The following PSMA1 variants were observed in gnomAD, a reference collection of about 807,000 sequenced individuals.
PSMA1 encodes the protein proteasome subunit alpha type-1.
A neutral mutation model predicts 38.4 loss-of-function variants in PSMA1; 3 were observed. That is an observed-to-expected ratio of 0.08 (90% CI 0.04 to 0.20). The LOEUF (loss-of-function observed/expected upper bound fraction) is 0.20, where lower values mean the gene tolerates loss of function less well. PSMA1 is among the 10% of genes least tolerant of loss of function. The pLI is 1.00. For synonymous variants in PSMA1, 101 were observed against 107.1 expected (o/e 0.94, Z 0.35); for missense variants, 227 against 325.3 (o/e 0.70, Z 2.32).
At chr11:14,520,726 GTGT>G (rs1336124436), upstream of PSMA1, 1 of 215,932 alleles carries the variant, frequency 4.6e-6, no homozygotes, top group African/African-American at 2.3e-5. Flanking sequence ...CAGATTTGGG[GTGT>G]TATGTGACTG....
At chr11:14,635,216 T>C (rs539403630) in intron 1 of PSMA1, among the ~76,000 whole-genome samples, 41 of 152,332 alleles carry the variant, frequency 2.7e-4, no homozygotes, top group Middle Eastern at 6.8e-3. Flanking sequence ...TAAAGAGCCA[T>C]AGTTTTGATT....
intron 1 of PSMA1, among the ~76,000 whole-genome samples, chr11:14,624,286 A>G (rs772700618): frequency 1.3e-5 from 2 of 152,142 alleles, no homozygotes; most frequent in Non-Finnish European, 2.9e-5. Flanking sequence ...GTCGTATGGG[A>G]ACCCTTTCCT....
intron 1 of PSMA1, among the ~76,000 whole-genome samples, chr11:14,626,742 T>C (rs1462062914): frequency 1.3e-5 from 2 of 152,230 alleles, no homozygotes; most frequent in Non-Finnish European, 2.9e-5. Context: ...TAAAATGCCA[T>C]ATAAATGTGA....
At position 14,606,419 on chromosome 11, in the gene PSMA1, T is replaced by C. The variant is rs142721408; in HGVS notation, c.21+4547A>G. ...GCTACAGAGTGAGACCCTGTCTGAA[T>C]GAAAAAGAAAAAAAGAAAAAAAAAA... On this transcript the variant is annotated intron_variant, in intron 2 of 10. Transcript: ENST00000418988. Among the ~76,000 whole-genome samples the C allele has an allele frequency of 6.4e-3, 940 of 146,448 alleles. 12 individuals are homozygous for C. Among genetic ancestry groups the C allele is most frequent in the African/African-American group, 0.023 (898 of 39,640 alleles).
intron 1 of PSMA1, among the ~76,000 whole-genome samples, chr11:14,637,965 A>G (rs10458874): frequency 0.46 from 69,932 of 152,030 alleles, 16,105 homozygotes; most frequent in East Asian, 0.53. Flanking sequence ...ATGTGGGAGG[A>G]TAAGGAAAAG....
chr11:14,605,845 T>G (rs1317766588), intron 2 of PSMA1, among the ~76,000 whole-genome samples: 3 of 152,238 alleles, frequency 2.0e-5, no homozygotes, highest in Non-Finnish European at 4.4e-5. Flanking sequence ...GTTTACTCTG[T>G]TGATAGTTTC....
chr11:14,547,364 G>T (rs1170392601), intron 2 of PSMA1, among the ~76,000 whole-genome samples: 1 of 152,236 alleles, frequency 6.6e-6, no homozygotes, highest in African/African-American at 2.4e-5. Flanking sequence ...AGGGAATTTT[G>T]TATTTCTTTT....
intron 1 of PSMA1, among the ~76,000 whole-genome samples, chr11:14,621,243 T>C (rs920904033): frequency 5.3e-5 from 8 of 152,144 alleles, no homozygotes; most frequent in Non-Finnish European, 7.4e-5. Flanking sequence ...TGTCAAAAAT[T>C]TTAACTTTGA....
At chr11:14,618,366 T>C (rs1410674469) in intron 1 of PSMA1, among the ~76,000 whole-genome samples, 4 of 152,254 alleles carry the variant, frequency 2.6e-5, no homozygotes, top group African/African-American at 9.6e-5. Context: ...TGCCCTGATA[T>C]GTTTATTGCC....
At chr11:14,586,690 A>C (rs898570438) in intron 2 of PSMA1, among the ~76,000 whole-genome samples, 42 of 152,004 alleles carry the variant, frequency 2.8e-4, no homozygotes, top group African/African-American at 9.6e-4. Context: ...TTTTTTTAGG[A>C]ATTGGTATAA....
At chr11:14,540,301 C>A (rs1247685897) in intron 2 of PSMA1, among the ~76,000 whole-genome samples, 1 of 152,182 alleles carries the variant, frequency 6.6e-6, no homozygotes, top group South Asian at 2.1e-4. Flanking sequence ...TCAGGCCACC[C>A]TGGGTGACAC....
At chr11:14,607,681 G>C (rs1852659791) in intron 2 of PSMA1, among the ~76,000 whole-genome samples, 1 of 151,426 alleles carries the variant, frequency 6.6e-6, no homozygotes, top group African/African-American at 2.4e-5. Context: ...CATGGTGTAG[G>C]TCTGACATCT....
intron 2 of PSMA1, among the ~76,000 whole-genome samples, chr11:14,545,961 T>A (rs890983110): frequency 6.6e-6 from 1 of 152,166 alleles, no homozygotes; most frequent in Non-Finnish European, 1.5e-5. Context: ...GTGAAAATAA[T>A]GTAATTTTAC....
At chr11:14,609,711 C>T (rs1565057658) in intron 2 of PSMA1, among the ~76,000 whole-genome samples, 1 of 152,008 alleles carries the variant, frequency 6.6e-6, no homozygotes, top group Non-Finnish European at 1.5e-5. Flanking sequence ...GCAAGGAATC[C>T]TATGTGGCTG....
At chr11:14,628,460 T>A (rs569933763) in intron 1 of PSMA1, among the ~76,000 whole-genome samples, 1 of 150,848 alleles carries the variant, frequency 6.6e-6, no homozygotes, top group South Asian at 2.1e-4. Context: ...GATGATGATT[T>A]CCAATTTCAT....
intron 2 of PSMA1, among the ~76,000 whole-genome samples, chr11:14,593,795 G>A (rs536429462): frequency 2.0e-5 from 3 of 152,336 alleles, no homozygotes; most frequent in South Asian, 2.1e-4. Context: ...TAAATCTCCA[G>A]TGGGTGAGTA....
rs189329356 is a variant in PSMA1, at chr11:14,583,580, A to C, written c.21+27386T>G. ...CAAACATACTGTGACTTATCAGGGC[A>C]AACCTGCAGATGATTAACTTTGGGC... On this transcript the variant is annotated intron_variant, in intron 2 of 10. Coordinates refer to the PSMA1 transcript ENST00000418988. Among the ~76,000 whole-genome samples, 3 of 152,332 alleles carry C rather than the reference A, an allele frequency of 2.0e-5. No homozygotes were observed. In the East Asian group the frequency reaches 5.8e-4, roughly 29 times the overall value.
intron 5 of PSMA1, 106 bp from the exon 6 acceptor site, chr11:14,513,993 A>G (rs1589978735): frequency 1.5e-6 from 2 of 1,378,576 alleles, no homozygotes; most frequent in Non-Finnish European, 1.9e-6. Flanking sequence ...TAATTGTTGC[A>G]TAATCCACCA....
chr11:14,610,191 A>C (rs1427925711), intron 2 of PSMA1, among the ~76,000 whole-genome samples: 1 of 152,190 alleles, frequency 6.6e-6, no homozygotes. Context: ...GGGTTCTACA[A>C]AAGTTTAAAA....
Sources: allele counts gnomAD v4.1 joint callset (sites outside exome capture counted in the v4.1 genomes callset), GRCh38; gene constraint gnomAD v4.1.1; transcripts MANE v1.5; gene names NCBI Gene and HGNC (gene_info 2026-07-23, HGNC 2026-07-21).